LYZL1: variants seen among roughly 807,000 people sequenced by gnomAD.
The protein encoded by LYZL1 is lysozyme-like protein 1.
LYZL1 carries 16 observed loss-of-function variants against 17.9 expected under a neutral mutation model. The observed-to-expected ratio is 0.90, with a 90% CI of 0.61 to 1.36. The LOEUF is 1.36. Among genes scored for constraint, LYZL1 ranks in the 40% most tolerant of loss-of-function variants. LYZL1 has a pLI of 0.00. For missense variants in LYZL1, 149 were observed against 188.4 expected, an observed-to-expected ratio of 0.79 and a Z score of 1.22; for synonymous variants, 58 against 71.8, an observed-to-expected ratio of 0.81 and a Z score of 0.97.
chr10:29,308,772 A>G (rs1280290495), intron 3 of LYZL1, among the ~76,000 whole-genome samples: 1 of 152,178 alleles, frequency 6.6e-6, no homozygotes, highest in African/African-American at 2.4e-5. Context: ...CAGCCTGGCC[A>G]ACATGGTGAA....
chr10:29,315,848 C>G (rs1436969316), downstream of LYZL1, among the ~76,000 whole-genome samples: 1 of 126,762 alleles, frequency 7.9e-6, no homozygotes, highest in Non-Finnish European at 1.7e-5. Context: ...AACACTGTCT[C>G]AAAAAAAAAA....
intron 3 of LYZL1, 116 bp downstream of exon 3, chr10:29,292,793 G>T (rs1249293263): frequency 1.4e-6 from 2 of 1,454,998 alleles, no homozygotes; most frequent in African/African-American, 1.4e-5. Context: ...TTGCAAATAG[G>T]TCTGTTCCAG....
rs567996893 is a variant in LYZL1 at position 29,289,247 on chromosome 10, T to C, written c.-26+17T>C. The C allele has an allele frequency of 1.4e-6, 1 of 702,626 alleles. No homozygotes were observed. Among genetic ancestry groups the C allele is most frequent in the Admixed American group, 7.3e-5 (1 of 13,666 alleles). The allele number at this position is 702,626 out of a possible 1,614,324, so 43.5% of individuals were successfully genotyped here. On this transcript the variant is annotated intron_variant, in intron 1 of 4. Transcript: ENST00000649382. ...GCCTTTTCAGTAAGACCTAAATTACTCTTATGAGAACCAGCAATGGCAGGT... is the reference window on the plus strand; with the variant it reads ...GCCTTTTCAGTAAGACCTAAATTACCCTTATGAGAACCAGCAATGGCAGGT...
chr10:29,292,507 T>C lies in LYZL1; in HGVS notation c.140-12T>C, dbSNP rs1564388733. The C allele has an allele frequency of 6.2e-7, 1 of 1,610,980 alleles. No homozygotes were observed. The highest frequency in any genetic ancestry group is 8.5e-7 in the Non-Finnish European group (1 of 1,178,802). ...CTTCCTTTGCTGGCGTTTCTGGCTT[T>C]CCCCCCTCCAGGGATCTGCATGGCA... is the stretch of plus-strand genomic sequence containing the variant. On this transcript the variant is annotated splice_polypyrimidine_tract_variant and intron_variant, in intron 2 of 4. Coordinates refer to ENST00000649382, the MANE Select transcript of LYZL1 (RefSeq NM_032517.6).
chr10:29,309,770 A>G (rs1422942565), intron 3 of LYZL1, among the ~76,000 whole-genome samples: 2 of 152,192 alleles, frequency 1.3e-5, no homozygotes, highest in African/African-American at 2.4e-5. Context: ...TGCTGGTATT[A>G]CAGGTCTGAG....
chr10:29,310,875 AAACCC>A (rs1835661843), intron 4 of LYZL1, 110 bp from the exon 5 acceptor site: 12 of 1,522,206 alleles, frequency 7.9e-6, no homozygotes, highest in Non-Finnish European at 1.1e-5. Flanking sequence ...GAAGCAAATG[AAACCC>A]AACCCAGGGT....
At chr10:29,295,100 G>A (rs1835430630) in intron 3 of LYZL1, among the ~76,000 whole-genome samples, 1 of 152,188 alleles carries the variant, frequency 6.6e-6, no homozygotes, top group Non-Finnish European at 1.5e-5. Context: ...TTGAATGACT[G>A]AATAATATGT....
chr10:29,299,270 G>C (rs1488930167), intron 3 of LYZL1, among the ~76,000 whole-genome samples: 1 of 152,158 alleles, frequency 6.6e-6, no homozygotes, highest in Admixed American at 6.5e-5. Flanking sequence ...GTTCCTAACA[G>C]ACAATGGACT....
chr10:29,311,504 T>C (rs1191017352), downstream of LYZL1, among the ~76,000 whole-genome samples: 1 of 152,130 alleles, frequency 6.6e-6, no homozygotes, highest in Non-Finnish European at 1.5e-5. Context: ...GGACCGTCTA[T>C]GCATGCCCAC....
At chr10:29,313,397 T>C (rs564218999), downstream of LYZL1, among the ~76,000 whole-genome samples, 51 of 152,338 alleles carry the variant, frequency 3.3e-4, no homozygotes, top group African/African-American at 1.2e-3. Context: ...TCTGCTTCAT[T>C]AAAACCAACG....
intron 3 of LYZL1, among the ~76,000 whole-genome samples, chr10:29,304,698 C>T (rs571404272): frequency 1.6e-4 from 24 of 152,134 alleles, no homozygotes; most frequent in African/African-American, 4.1e-4. Context: ...TTAAAAAGTG[C>T]CATCTGAACT....
chr10:29,298,883 C>A (rs148819030), intron 3 of LYZL1, among the ~76,000 whole-genome samples: 2 of 152,088 alleles, frequency 1.3e-5, no homozygotes, highest in Admixed American at 6.5e-5. Context: ...ATGATTCAAG[C>A]GCATTACACT....
intron 4 of LYZL1, 139 bp from the exon 5 acceptor site, chr10:29,310,851 A>G (rs561264605): frequency 7.9e-6 from 10 of 1,264,362 alleles, no homozygotes; most frequent in South Asian, 5.3e-5. Flanking sequence ...AAAGGACAGC[A>G]TCCTTGAAGC....
chr10:29,291,321 A>G (rs1368397580), intron 1 of LYZL1, among the ~76,000 whole-genome samples: 4 of 152,048 alleles, frequency 2.6e-5, no homozygotes, highest in African/African-American at 9.7e-5. Context: ...GTGGAAGTGG[A>G]TCATCATAAA....
chr10:29,292,125 C>T, intron 2 of LYZL1, 119 bp downstream of exon 2: 2 of 1,356,606 alleles, frequency 1.5e-6, no homozygotes, highest in Non-Finnish European at 2.0e-6. Flanking sequence ...CCTCACCGCA[C>T]TCAGGGGTGG....
At chr10:29,307,942 G>A (rs540876534) in intron 3 of LYZL1, among the ~76,000 whole-genome samples, 1 of 152,256 alleles carries the variant, frequency 6.6e-6, no homozygotes, top group South Asian at 2.1e-4. Context: ...ATACGCCCAC[G>A]AGCAAGTATC....
At chr10:29,302,938 T>C (rs1835541311) in intron 3 of LYZL1, among the ~76,000 whole-genome samples, 1 of 152,158 alleles carries the variant, frequency 6.6e-6, no homozygotes, top group Non-Finnish European at 1.5e-5. Flanking sequence ...TGGAGTAGTT[T>C]TTAGGGTAGG....
chr10:29,314,019 T>C (rs974993757), downstream of LYZL1, among the ~76,000 whole-genome samples: 2 of 152,190 alleles, frequency 1.3e-5, no homozygotes, highest in African/African-American at 4.8e-5. Flanking sequence ...CCTCGATGCT[T>C]TCTGGTCTGG....
At chr10:29,300,790 T>C (rs1835506824) in intron 3 of LYZL1, among the ~76,000 whole-genome samples, 1 of 152,184 alleles carries the variant, frequency 6.6e-6, no homozygotes, top group Admixed American at 6.5e-5. Context: ...TTTCTTTACA[T>C]ATAAAATTCT....
Sources: gnomAD v4.1 joint callset for allele counts (sites outside exome capture counted in the v4.1 genomes callset) on GRCh38, gnomAD v4.1.1 for gene constraint, MANE v1.5 for transcripts, NCBI Gene and HGNC (gene_info 2026-07-23, HGNC 2026-07-21) for gene names.